Variants in TOX observed in about 807,000 individuals in gnomAD.
TOX encodes thymocyte selection associated high mobility group box, also known as thymocyte selection-associated high mobility group box protein TOX.
A neutral mutation model predicts 53.7 loss-of-function variants in TOX; 11 were observed. The ratio of observed to expected loss-of-function variants is 0.20; its 90% CI spans 0.13 to 0.34. The LOEUF (loss-of-function observed/expected upper bound fraction) is 0.34. Ranked by LOEUF, TOX falls within the 10% of genes least tolerant of loss-of-function variation. TOX has a pLI of 1.00. For missense variants in TOX, 570 were observed against 664.6 expected, an observed-to-expected ratio of 0.86 and a Z score of 1.56; for synonymous variants, 225 against 245.3, an observed-to-expected ratio of 0.92 and a Z score of 0.77.
intron 1 of TOX, among the ~76,000 whole-genome samples, chr8:58,974,129 C>T (rs1278860682): frequency 2.0e-5 from 3 of 152,132 alleles, no homozygotes; most frequent in Non-Finnish European, 2.9e-5. Flanking sequence ...AGTGATTTCA[C>T]CCCAGCCTGG....
At chr8:59,025,284 G>T (rs1053506047) in intron 1 of TOX, among the ~76,000 whole-genome samples, 3 of 152,066 alleles carry the variant, frequency 2.0e-5, no homozygotes, top group Non-Finnish European at 4.4e-5. Context: ...CTGTGTGGGG[G>T]TGTTTTATGC....
At chr8:59,059,868 G>A (rs1803948904) in intron 1 of TOX, among the ~76,000 whole-genome samples, 1 of 150,942 alleles carries the variant, frequency 6.6e-6, no homozygotes, top group Admixed American at 6.6e-5. Flanking sequence ...GTGTTGGGAA[G>A]TGACCAAAGT....
chr8:58,920,737 GAAAAAA>G lies in TOX; in HGVS notation c.411+18559_411+18564del, dbSNP rs1397497086. Among the ~76,000 whole-genome samples the G allele has an allele frequency of 6.3e-5, 3 of 47,754 alleles. No homozygotes were observed. The South Asian group carries it at 2.6e-3, about 42-fold the overall frequency. The allele number at this position is 47,754 out of a possible 152,430, so 31.3% of individuals were successfully genotyped here. ...AAAAAACATTAAAAAAAAAAAAAAAGAAAAAAAAGAAGAAAAAAAAAAAAGAATCTC... is the reference window on the plus strand; with the variant it reads ...AAAAAACATTAAAAAAAAAAAAAAAGAAGAAGAAAAAAAAAAAAGAATCTC... On this transcript the variant is annotated intron_variant, in intron 3 of 8. Coordinates refer to ENST00000361421, the MANE Select transcript of TOX (RefSeq NM_014729.3).
chr8:58,877,463 C>T (rs900329845), intron 3 of TOX, among the ~76,000 whole-genome samples: 2 of 152,208 alleles, frequency 1.3e-5, no homozygotes, highest in Non-Finnish European at 2.9e-5. Context: ...AATTGGCACA[C>T]TTGACTTAGA....
chr8:58,869,147 A>G (rs1811153444), intron 3 of TOX, among the ~76,000 whole-genome samples: 3 of 150,862 alleles, frequency 2.0e-5, no homozygotes, highest in African/African-American at 7.3e-5. Context: ...GAATCACTTG[A>G]ACCCGGGAGG....
chr8:58,952,366 G>C (rs1585920721), intron 2 of TOX, among the ~76,000 whole-genome samples: 1 of 152,246 alleles, frequency 6.6e-6, no homozygotes, highest in East Asian at 1.9e-4. Context: ...TTATTTTGGA[G>C]GGCATTCTTT....
At position 58,912,749 on chromosome 8, in the gene TOX, C is replaced by G. The variant is rs147993521; in HGVS notation, c.411+26553G>C. On this transcript the variant is annotated intron_variant, in intron 3 of 8. Transcript: ENST00000361421. ...GTGCACATGGCATGGGAATACATCACTTCTCTCTGACTACATTGCCAAGAT... is the reference window on the plus strand; with the variant it reads ...GTGCACATGGCATGGGAATACATCAGTTCTCTCTGACTACATTGCCAAGAT... Among the ~76,000 whole-genome samples the G allele has an allele frequency of 1.1e-3, 162 of 152,340 alleles. 1 individual carries two copies. Among genetic ancestry groups the G allele is most frequent in the African/African-American group, 3.8e-3 (156 of 41,586 alleles).
At chr8:59,064,324 T>G (rs1389368229) in intron 1 of TOX, among the ~76,000 whole-genome samples, 2 of 152,228 alleles carry the variant, frequency 1.3e-5, no homozygotes, top group African/African-American at 4.8e-5. Flanking sequence ...AGCCAAAGTA[T>G]AATCTGTCGT....
intron 3 of TOX, among the ~76,000 whole-genome samples, chr8:58,935,365 A>T (rs1377443691): frequency 3.3e-5 from 5 of 152,198 alleles, no homozygotes; most frequent in African/African-American, 4.8e-5. Flanking sequence ...TAATACAAAG[A>T]TACAATCACA....
rs779646024 is a variant in TOX at position 58,851,732 on chromosome 8, C to G, written c.485G>C (p.Gly162Ala). Residue 162 changes from glycine to alanine, a missense_variant, in exon 4 of 9, where the codon GGC becomes GCC. Coordinates refer to ENST00000361421, the MANE Select transcript of TOX (RefSeq NM_014729.3). The surrounding 1 kb of genome is among the most constrained non-coding windows in gnomAD (Gnocchi z 4.4). ...CTGCTGCCTGATGTCTGCAGGCTGG[C>G]CCCTTGGTCTCATGGCTGCCATCTG... ...HPQMAAMRPRGQPADIRQQPG... is the reference protein window; with the variant it reads ...HPQMAAMRPRAQPADIRQQPG... 15 of 1,613,154 alleles carry G rather than the reference C, an allele frequency of 9.3e-6. No homozygotes were observed. Among genetic ancestry groups the G allele is most frequent in the Middle Eastern group, 1.7e-4 (1 of 5,718 alleles).
Position 58,907,678 on chromosome 8 carries a change from G to A in TOX, c.411+31624C>T, listed in dbSNP as rs141499987. 5.1e-3 allele frequency among the ~76,000 whole-genome samples: 769 copies of A among 152,250 alleles called. 1 individual carries two copies. Among genetic ancestry groups the A allele is most frequent in the Non-Finnish European group, 5.9e-3 (403 of 68,014 alleles). ...AGGCACATACAATTTTTTAGGATCA[G>A]AGGCAGAATTGGACCCCACATCCGC... On this transcript the variant is annotated intron_variant, in intron 3 of 8. Transcript: ENST00000361421.
intron 3 of TOX, among the ~76,000 whole-genome samples, chr8:58,860,946 G>A (rs1020331081): frequency 1.3e-5 from 2 of 152,166 alleles, no homozygotes; most frequent in South Asian, 4.1e-4. Flanking sequence ...AGGTTATGGC[G>A]TATAGCGTTG....
chr8:59,030,944 A>G (rs1814344225), intron 1 of TOX, among the ~76,000 whole-genome samples: 1 of 152,240 alleles, frequency 6.6e-6, no homozygotes, highest in African/African-American at 2.4e-5. Flanking sequence ...ACATCTAAAC[A>G]TTTGATATGA....
intron 3 of TOX, among the ~76,000 whole-genome samples, chr8:58,879,226 C>G (rs926443496): frequency 2.0e-5 from 3 of 152,094 alleles, no homozygotes; most frequent in Non-Finnish European, 4.4e-5. Flanking sequence ...ATATTTGGTA[C>G]AGAAACCATA....
At chr8:58,886,236 T>C (rs1237766500) in intron 3 of TOX, among the ~76,000 whole-genome samples, 1 of 152,136 alleles carries the variant, frequency 6.6e-6, no homozygotes, top group Non-Finnish European at 1.5e-5. Flanking sequence ...ACCACCCTCA[T>C]ACATGCTAAA....
At chr8:59,048,129 C>T (rs575703025) in intron 1 of TOX, among the ~76,000 whole-genome samples, 2 of 152,294 alleles carry the variant, frequency 1.3e-5, no homozygotes, top group East Asian at 3.9e-4. Context: ...ATCAAAATGG[C>T]CATGATCCCA....
At chr8:59,018,502 G>A (rs1309697410) in intron 1 of TOX, among the ~76,000 whole-genome samples, 1 of 152,182 alleles carries the variant, frequency 6.6e-6, no homozygotes, top group Non-Finnish European at 1.5e-5. Context: ...AATAGATTAA[G>A]TAAGTTGGGA....
chr8:59,021,481 A>AATATATATATATATATATATAT (rs55755723), intron 1 of TOX, among the ~76,000 whole-genome samples: 2 of 64,732 alleles, frequency 3.1e-5, no homozygotes, highest in African/African-American at 1.1e-4. Flanking sequence ...AAAAAAAAAA[A>AATATATATATATATATATATAT]ATATATATAT....
chr8:58,954,434 A>T (rs1812678141), intron 2 of TOX, among the ~76,000 whole-genome samples: 1 of 152,218 alleles, frequency 6.6e-6, no homozygotes, highest in South Asian at 2.1e-4. Context: ...CTGATATGTC[A>T]GACATTATTC....
Sources: gnomAD v4.1 joint callset for allele counts (sites outside exome capture counted in the v4.1 genomes callset) on GRCh38, gnomAD v4.1.1 for gene constraint, Gnocchi (gnomAD v3.1) non-coding constraint, MANE v1.5 for transcripts, NCBI Gene and HGNC (gene_info 2026-07-23, HGNC 2026-07-21) for gene names.